Variants in CFH observed in about 807,000 individuals in gnomAD.
CFH encodes the protein H factor 1 (complement).
In CFH, 53 loss-of-function variants were observed where a neutral mutation model predicts 147.3. The observed-to-expected ratio is 0.36, with a 90% confidence interval of 0.29 to 0.45. The LOEUF (loss-of-function observed/expected upper bound fraction) is 0.45, where lower values mean the gene tolerates loss of function less well. Ranked by LOEUF, CFH falls within the 20% of genes least tolerant of loss-of-function variation. The pLI is 1.00. For synonymous variants in CFH, 536 were observed against 489.4 expected, an observed-to-expected ratio of 1.10 and a Z score of -1.26; for missense variants, 1,380 against 1,498.0, an observed-to-expected ratio of 0.92 and a Z score of 1.30.
At chr1:196,701,104 C>T (rs569268007) in intron 9 of CFH, among the ~76,000 whole-genome samples, 2 of 152,052 alleles carry the variant, frequency 1.3e-5, no homozygotes. Flanking sequence ...GAATCTGAAA[C>T]TTTATATGGA....
At chr1:196,687,286 G>A (rs1667860264) in intron 7 of CFH, among the ~76,000 whole-genome samples, 1 of 152,012 alleles carries the variant, frequency 6.6e-6, no homozygotes, top group Non-Finnish European at 1.5e-5. Context: ...GTAGAATGAA[G>A]CTATTTGAAG....
At chr1:196,671,817 C>G (rs1233482729) in intron 1 of CFH, among the ~76,000 whole-genome samples, 1 of 149,102 alleles carries the variant, frequency 6.7e-6, no homozygotes, top group Non-Finnish European at 1.5e-5. Flanking sequence ...TGTTTTGACT[C>G]TGTTCTTATA....
At chr1:196,740,471 GT>G in intron 17 of CFH, 147 bp from the exon 18 acceptor site, 1 of 794,202 alleles carries the variant, frequency 1.3e-6, no homozygotes, top group Non-Finnish European at 2.0e-6. Context: ...CAGAAGGCTA[GT>G]TTTAGGAAAC....
rs1668856358 is a variant in CFH, at chr1:196,715,742, G to C, written c.1669G>C (p.Gly557Arg). 6.2e-7 allele frequency: 1 copy of C among 1,612,398 alleles called. No homozygotes were observed. Among genetic ancestry groups the C allele is most frequent in the Admixed American group, 1.7e-5 (1 of 59,836 alleles). ...TTGSIVCGYN[G>R]WSDLPICYER... ...TGGTTCCATAGTGTGTGGTTACAAT[G>C]GTTGGTCTGATTTACCCATATGTTA... The change falls in exon 11 of 22, where the codon GGT (glycine) becomes CGT (arginine). Residue 557 changes from glycine (G) to arginine (R), a missense_variant. Physicochemically the swap from Gly to Arg is moderately radical, Grantham distance 125. Transcript: ENST00000367429.
rs374704701 is a variant in CFH at position 196,728,423 on chromosome 1, G to A, written c.2314G>A (p.Asp772Asn). The A allele has an allele frequency of 2.3e-5, 37 of 1,608,972 alleles. 1 individual carries two copies. In the South Asian group the frequency reaches 2.3e-4, roughly 10 times the overall value. ...ACATTTAAAAAACAAGAAGGAATTC[G>A]ATCATAATTCTAACATAAGGTACAG... ...EEHLKNKKEF[D>N]HNSNIRYRCR... Residue 772 changes from aspartate (D) to asparagine (N), a missense_variant, in exon 15 of 22, where the codon GAT becomes AAT. Physicochemically the swap from Asp to Asn is conservative, Grantham distance 23 (BLOSUM62 1). Transcript: ENST00000367429.
At chr1:196,666,259 G>T (rs906633798) in intron 1 of CFH, among the ~76,000 whole-genome samples, 1 of 151,994 alleles carries the variant, frequency 6.6e-6, no homozygotes, top group East Asian at 1.9e-4. Flanking sequence ...ACTATTATTT[G>T]CTGTTTTCTA....
intron 11 of CFH, among the ~76,000 whole-genome samples, chr1:196,720,683 C>T (rs779885486): frequency 2.0e-5 from 3 of 151,640 alleles, no homozygotes; most frequent in Non-Finnish European, 4.4e-5. Context: ...ATCTATACCA[C>T]ATATTCTTTA....
At chr1:196,725,581 G>A (rs1324673299) in intron 12 of CFH, among the ~76,000 whole-genome samples, 1 of 152,134 alleles carries the variant, frequency 6.6e-6, no homozygotes, top group Non-Finnish European at 1.5e-5. Flanking sequence ...AACTGAGTCT[G>A]GATGATTTGT....
intron 6 of CFH, among the ~76,000 whole-genome samples, chr1:196,681,523 AC>A (rs1191690382): frequency 1.3e-5 from 2 of 151,410 alleles, no homozygotes; most frequent in Non-Finnish European, 3.0e-5. Flanking sequence ...CATTTATAAA[AC>A]ATTTTTCTTT....
In CFH at chr1:196,737,622, G is replaced by C; in HGVS notation, c.2744G>C (p.Cys915Ser). The part of the protein sequence containing the change: ...FRISEENETT[C>S]YMGKWSSPPQ... ...ATATCTGAAGAAAATGAAACAACAT[G>C]CTACATGGGAAAATGGAGTTCTCCA... The change falls in exon 17 of 22, where the codon TGC becomes TCC. Residue 915 changes from cysteine (C) to serine (S), a missense_variant. Physicochemically the swap from Cys to Ser is moderately radical, Grantham distance 112. Transcript: ENST00000367429. 6.2e-7 allele frequency: 1 copy of C among 1,613,458 alleles called. No individual in the cohort carries two copies. Among genetic ancestry groups the C allele is most frequent in the Non-Finnish European group, 8.5e-7 (1 of 1,179,638 alleles).
chr1:196,670,407 C>T (rs1667237273), intron 1 of CFH, among the ~76,000 whole-genome samples: 1 of 152,076 alleles, frequency 6.6e-6, no homozygotes, highest in Admixed American at 6.5e-5. Context: ...TTGTAATCAC[C>T]ATAATCCCTG....
rs1200969813 is a variant in CFH at position 196,652,154 on chromosome 1, T to G, written c.37T>G (p.Trp13Gly). The G allele has an allele frequency of 6.2e-7, 1 of 1,611,998 alleles. No homozygotes were observed. Among genetic ancestry groups the G allele is most frequent in the East Asian group, 2.2e-5 (1 of 44,848 alleles). ...LLAKIICLML[W>G]AICVAEDCNE... ...AGCAAAGATTATTTGCCTTATGTTA[T>G]GGGCTATTTGTGTAGCAGAAGGTAA... is the stretch of plus-strand genomic sequence containing the variant. Residue 13 changes from tryptophan (W) to glycine (G), a missense_variant, in exon 1 of 22, where the codon TGG becomes GGG. Physicochemically the swap from Trp to Gly is radical, Grantham distance 184. Around this residue, in one of 4 missense-constraint regions of CFH, gnomAD observed 260 missense variants for 263.3 expected, o/e 0.99. Transcript: ENST00000367429.
chr1:196,723,112 G>A (rs976618751), intron 11 of CFH, among the ~76,000 whole-genome samples: 2 of 152,076 alleles, frequency 1.3e-5, no homozygotes, highest in African/African-American at 2.4e-5. Flanking sequence ...TGAAGAGTTA[G>A]TGTGATCCTT....
At chr1:196,676,200 G>A in intron 4 of CFH, 135 bp downstream of exon 4, 2 of 534,832 alleles carry the variant, frequency 3.7e-6, no homozygotes, top group Non-Finnish European at 6.2e-6. Context: ...ATGTAGAGTG[G>A]GAATCTAGTC....
At chr1:196,657,545 G>A (rs1274416173) in intron 1 of CFH, among the ~76,000 whole-genome samples, 1 of 152,152 alleles carries the variant, frequency 6.6e-6, no homozygotes, top group Non-Finnish European at 1.5e-5. Context: ...TGCAGATTTT[G>A]GCCTGTGTGG....
chr1:196,705,749 A>G (rs1248385241), intron 9 of CFH, among the ~76,000 whole-genome samples: 1 of 152,082 alleles, frequency 6.6e-6, no homozygotes, highest in East Asian at 1.9e-4. Context: ...GAGGCAGAAG[A>G]GTTCACTTTG....
intron 11 of CFH, among the ~76,000 whole-genome samples, chr1:196,724,145 A>G (rs1482736119): frequency 6.6e-6 from 1 of 151,990 alleles, no homozygotes; most frequent in Non-Finnish European, 1.5e-5. Flanking sequence ...CCTTTGTTGC[A>G]CTTTCCATTA....
intron 15 of CFH, among the ~76,000 whole-genome samples, chr1:196,732,646 A>AT (rs1392160185): frequency 6.6e-6 from 1 of 151,858 alleles, no homozygotes; most frequent in African/African-American, 2.4e-5. Context: ...CCAGCCAGAG[A>AT]TTTTCATGTG....
intron 10 of CFH, 93 bp from the exon 11 acceptor site, chr1:196,715,500 A>G: frequency 2.0e-6 from 2 of 1,007,026 alleles, no homozygotes; most frequent in South Asian, 1.3e-5. Flanking sequence ...TAGTAGATCT[A>G]ATCAATAAAG....
Sources: gnomAD v4.1 joint callset for allele counts (sites outside exome capture counted in the v4.1 genomes callset) on GRCh38, gnomAD v4.1.1 for gene constraint, gnomAD v4.1.1 regional missense constraint, MANE v1.5 for transcripts, NCBI Gene and HGNC (gene_info 2026-07-23, HGNC 2026-07-21) for gene names.